CLHC1: variants seen among roughly 807,000 people sequenced by gnomAD.
The protein encoded by CLHC1 is clathrin heavy chain linker domain containing 1.
In CLHC1, 72 loss-of-function variants were observed where a neutral mutation model predicts 69.5. That is an observed-to-expected ratio of 1.04 (90% CI 0.86 to 1.26). CLHC1 has a LOEUF of 1.26. CLHC1 is among the 50% of genes most tolerant of loss of function. The probability of loss-of-function intolerance (pLI) is 0.00; values close to 1 mark genes in which losing one functional copy is unlikely to be tolerated. For synonymous variants in CLHC1, 223 were observed against 224.3 expected (o/e 0.99, Z 0.05); for missense variants, 790 against 679.3 (o/e 1.16, Z -1.81).
intron 11 of CLHC1, among the ~76,000 whole-genome samples, chr2:55,179,625 A>G (rs80287741): frequency 0.097 from 14,795 of 152,136 alleles, 950 homozygotes; most frequent in East Asian, 0.28. Context: ...CCTGCAAATC[A>G]GGACAGGCAC....
Position 55,175,760 on chromosome 2 carries a change from C to T in CLHC1, c.*30G>A, listed in dbSNP as rs1031137250. On this transcript the variant is annotated 3_prime_UTR_variant, in exon 13 of 13. Transcript: ENST00000401408. ...CAACCAGCATACATAAGGTGTTGTACAAGCTCCCTCAGCTGGTTAAGATAT... is the reference window on the plus strand; with the variant it reads ...CAACCAGCATACATAAGGTGTTGTATAAGCTCCCTCAGCTGGTTAAGATAT... 8 of 1,565,450 alleles carry T rather than the reference C, an allele frequency of 5.1e-6. No homozygotes were observed. The highest frequency in any genetic ancestry group is 7.0e-6 in the Non-Finnish European group (8 of 1,139,708).
rs1172918200 is a variant in CLHC1 at position 55,175,532 on chromosome 2, CCCTACACTGTTTCA to C, written c.*244_*257del. 2.3e-6 allele frequency: 1 copy of C among 432,338 alleles called. No homozygotes were observed. Among genetic ancestry groups the C allele is most frequent in the Non-Finnish European group, 4.1e-6 (1 of 241,302 alleles). The allele number at this position is 432,338 out of a possible 1,614,324, so 26.8% of individuals were successfully genotyped here. A position where few individuals can be genotyped will look rare whatever the true frequency, so the allele number is the denominator to read the frequency against. On this transcript the variant is annotated 3_prime_UTR_variant, in exon 13 of 13. Coordinates refer to ENST00000401408, the MANE Select transcript of CLHC1 (RefSeq NM_152385.4). ...TAGCTTATGTCCTTAGATAAAAATG[CCCTACACTGTTTCA>C]CACAAAGTTATAATCTTGGATTTTA...
At chr2:55,210,145 C>A (rs1007653648) in intron 5 of CLHC1, among the ~76,000 whole-genome samples, 6 of 152,102 alleles carry the variant, frequency 3.9e-5, no homozygotes, top group African/African-American at 1.4e-4. Context: ...CAGGCGTGAG[C>A]CACTGTGCCA....
At chr2:55,218,185 T>C (rs970607818) in intron 3 of CLHC1, 187 bp from the exon 4 acceptor site, 3 of 402,242 alleles carry the variant, frequency 7.5e-6, no homozygotes, top group African/African-American at 6.2e-5. Context: ...CATGTGCTCT[T>C]TGTGGAACAT....
rs1218645185 is a variant in CLHC1 at position 55,206,476 on chromosome 2, G to A, written c.900-100C>T. ...TACAGACTAAATATAGCGGCATAAC[G>A]ATATGGAAAAACAAAAAGGAATTCT... On this transcript the variant is annotated intron_variant, in intron 8 of 12. Coordinates refer to ENST00000401408, the MANE Select transcript of CLHC1 (RefSeq NM_152385.4). The A allele has an allele frequency of 1.7e-5, 12 of 689,074 alleles. No homozygotes were observed. In the Admixed American group the frequency reaches 1.9e-4, roughly 11 times the overall value. 42.7% of individuals were successfully genotyped at this position (689,074 alleles called of 1,614,324 possible).
intron 7 of CLHC1, 24 bp from the exon 8 acceptor site, chr2:55,208,734 G>A (rs1672680518): frequency 1.4e-6 from 2 of 1,476,344 alleles, no homozygotes; most frequent in African/African-American, 1.4e-5. Context: ...AAGTACTACT[G>A]GAAGATATTT....
chr2:55,214,224 T>C (rs1195402027), intron 4 of CLHC1, among the ~76,000 whole-genome samples: 1 of 152,114 alleles, frequency 6.6e-6, no homozygotes, highest in Admixed American at 6.6e-5. Context: ...TAAAAACAAG[T>C]TTGGGCTGGG....
Position 55,181,615 on chromosome 2 carries a change from G to A in CLHC1, c.1136C>T (p.Ser379Leu), listed in dbSNP as rs1305126705. The change falls in exon 10 of 13, where the codon TCA becomes TTA. Residue 379 changes from serine (S) to leucine (L), a missense_variant. Transcript: ENST00000401408. ...GGTAACTAAATCTAACCGTTTTTCT[G>A]ATAATCCACATTTGATTCCTTCCAG... ...LTLEGIKCGL[S>L]EKRLDLVTNW... The A allele has an allele frequency of 6.2e-7, 1 of 1,612,626 alleles. No individual in the cohort carries two copies. The highest frequency in any genetic ancestry group is 2.2e-5 in the East Asian group (1 of 44,832).
Position 55,220,638 on chromosome 2 carries a change from G to A in CLHC1, c.177+1597C>T, listed in dbSNP as rs560300526. On this transcript the variant is annotated intron_variant, in intron 3 of 12. Coordinates refer to ENST00000401408, the MANE Select transcript of CLHC1 (RefSeq NM_152385.4). ...AATTTACCAACAATACCTCCAAAATGACTTCACTATAACTATATTAATGTA... is the reference window on the plus strand; with the variant it reads ...AATTTACCAACAATACCTCCAAAATAACTTCACTATAACTATATTAATGTA... Among the ~76,000 whole-genome samples the A allele has an allele frequency of 2.4e-4, 36 of 152,200 alleles. No homozygotes were observed. The South Asian group carries it at 6.6e-3, about 28-fold the overall frequency.
intron 2 of CLHC1, chr2:55,224,610 C>T (rs1674510218): frequency 7.9e-6 from 2 of 253,242 alleles, no homozygotes; most frequent in South Asian, 4.1e-5. Context: ...TGGGCCAGGG[C>T]GGGAGGAACC....
intron 4 of CLHC1, among the ~76,000 whole-genome samples, 179 bp downstream of exon 4, chr2:55,217,632 T>C (rs558444208): frequency 2.8e-5 from 4 of 142,566 alleles, no homozygotes; most frequent in African/African-American, 7.8e-5. Flanking sequence ...TATTTTTTAA[T>C]TGAAGTAAGT....
At chr2:55,224,390 A>G (rs937932588) in intron 2 of CLHC1, 5 of 439,458 alleles carry the variant, frequency 1.1e-5, no homozygotes, top group Middle Eastern at 6.9e-4. Flanking sequence ...CACCCAGTGG[A>G]TGGTCCTCCT....
chr2:55,184,488 A>G (rs1670233133), intron 9 of CLHC1, among the ~76,000 whole-genome samples: 1 of 152,202 alleles, frequency 6.6e-6, no homozygotes. Context: ...AGTGTATAGT[A>G]AAGATAACAT....
intron 2 of CLHC1, chr2:55,224,355 C>A: frequency 2.2e-6 from 1 of 446,080 alleles, no homozygotes. Flanking sequence ...CTCCCTCCTG[C>A]TACTTGGGGC....
At chr2:55,232,512 G>C (rs1201108160), upstream of CLHC1, 4 of 477,948 alleles carry the variant, frequency 8.4e-6, no homozygotes, top group Non-Finnish European at 1.5e-5. Flanking sequence ...GCATTCCGAA[G>C]GCTAAAGTGA....
chr2:55,191,826 G>A (rs909653631), intron 9 of CLHC1, among the ~76,000 whole-genome samples: 7 of 151,876 alleles, frequency 4.6e-5, no homozygotes, highest in Non-Finnish European at 7.4e-5. Context: ...TAAGAGAAAT[G>A]GAAACAAAAT....
intron 9 of CLHC1, among the ~76,000 whole-genome samples, chr2:55,201,911 C>T (rs1671979337): frequency 6.6e-6 from 1 of 152,034 alleles, no homozygotes; most frequent in African/African-American, 2.4e-5. Context: ...AGGACAAAAA[C>T]CATATGATAA....
chr2:55,209,445 T>G lies in CLHC1; in HGVS notation c.773A>C (p.Gln258Pro). 6.2e-7 allele frequency: 1 copy of G among 1,611,250 alleles called. No homozygotes were observed. The highest frequency in any genetic ancestry group is 8.5e-7 in the Non-Finnish European group (1 of 1,179,132). Residue 258 changes from glutamine to proline, a missense_variant, in exon 7 of 13, where the codon CAA becomes CCA. Physicochemically the swap from Gln to Pro is moderately conservative, Grantham distance 76. Transcript: ENST00000401408. ...WVKSDMSSPF[Q>P]DFVEQIQKTK... Reference sequence around the variant, plus strand: ...TTTCTGAATTTGCTCCACAAAGTCTTGAAATGGGCTGCTCATATCAGATTT... The same window carrying G: ...TTTCTGAATTTGCTCCACAAAGTCTGGAAATGGGCTGCTCATATCAGATTT...
At chr2:55,209,366 C>G in intron 7 of CLHC1, 38 bp downstream of exon 7, 1 of 1,303,918 alleles carries the variant, frequency 7.7e-7, no homozygotes, top group South Asian at 1.3e-5. Flanking sequence ...AAAATGTCTT[C>G]CATTATTGGT....
Sources: allele counts gnomAD v4.1 joint callset (sites outside exome capture counted in the v4.1 genomes callset), GRCh38; gene constraint gnomAD v4.1.1; transcripts MANE v1.5; gene names NCBI Gene and HGNC (gene_info 2026-07-23, HGNC 2026-07-21).